The following GRIK1 variants were observed in gnomAD, a reference collection of about 807,000 sequenced individuals.
The protein encoded by GRIK1 is glutamate receptor ionotropic, kainate 1.
In GRIK1, 69 loss-of-function variants were observed where a neutral mutation model predicts 105.7. That is an observed-to-expected ratio of 0.65 (90% CI 0.54 to 0.80). The LOEUF is 0.80. Among genes scored for constraint, GRIK1 ranks in the 30% least tolerant of loss-of-function variants. The pLI, the probability that GRIK1 is intolerant of heterozygous loss-of-function variation, is 0.00. For missense variants in GRIK1, 1,109 were observed against 1,167.3 expected, an observed-to-expected ratio of 0.95 and a Z score of 0.73; for synonymous variants, 438 against 431.3, an observed-to-expected ratio of 1.02 and a Z score of -0.19.
chr21:29,656,972 TG>T lies in GRIK1; in HGVS notation c.727-2110del, dbSNP rs368026320. Among the ~76,000 whole-genome samples, 56 of 152,284 alleles carry T rather than the reference TG, an allele frequency of 3.7e-4. No homozygotes were observed. The East Asian group carries it at 7.9e-3, about 21-fold the overall frequency. ...CAACAAGACCAGGCACACTAAAGGATGTTTTTTTTCAAGGGTAGACTTGCTT... is the reference window on the plus strand; with the variant it reads ...CAACAAGACCAGGCACACTAAAGGATTTTTTTTTCAAGGGTAGACTTGCTT... On this transcript the variant is annotated intron_variant, in intron 4 of 17. Transcript: ENST00000327783.
chr21:29,709,884 A>T (rs2064004224), intron 1 of GRIK1, among the ~76,000 whole-genome samples: 1 of 151,706 alleles, frequency 6.6e-6, no homozygotes, highest in Non-Finnish European at 1.5e-5. Flanking sequence ...AATACTCTTC[A>T]AATATTCATT....
intron 6 of GRIK1, among the ~76,000 whole-genome samples, chr21:29,648,549 T>C (rs536149203): frequency 6.8e-6 from 1 of 148,008 alleles, no homozygotes; most frequent in African/African-American, 2.4e-5. Flanking sequence ...AATACATATT[T>C]ATTGACGGTG....
intron 1 of GRIK1, among the ~76,000 whole-genome samples, chr21:29,787,400 G>T (rs1041239446): frequency 8.5e-5 from 13 of 152,172 alleles, no homozygotes; most frequent in African/African-American, 3.1e-4. Context: ...ATTTTCAAAG[G>T]ATCCAGGCAC....
intron 1 of GRIK1, among the ~76,000 whole-genome samples, chr21:29,695,501 G>A (rs1444272453): frequency 6.6e-6 from 1 of 150,610 alleles, no homozygotes; most frequent in Non-Finnish European, 1.5e-5. Flanking sequence ...TTGAGATGGA[G>A]TCTTGCTCTG....
chr21:29,683,895 C>T (rs1474129735), intron 3 of GRIK1, among the ~76,000 whole-genome samples: 2 of 152,222 alleles, frequency 1.3e-5, no homozygotes. Flanking sequence ...AGGGCCTTTG[C>T]ACTGGCTGTT....
At chr21:29,768,309 T>A (rs2065726257) in intron 1 of GRIK1, among the ~76,000 whole-genome samples, 1 of 152,182 alleles carries the variant, frequency 6.6e-6, no homozygotes, top group Non-Finnish European at 1.5e-5. Context: ...CTGATGCCAA[T>A]GATCTTAGTC....
chr21:29,551,771 CT>C (rs546188690), intron 16 of GRIK1, among the ~76,000 whole-genome samples: 1 of 151,996 alleles, frequency 6.6e-6, no homozygotes, highest in Admixed American at 6.5e-5. Flanking sequence ...CACTTGAACT[CT>C]TTTGGTAGCA....
intron 7 of GRIK1, among the ~76,000 whole-genome samples, chr21:29,641,565 G>A (rs1383475162): frequency 6.6e-6 from 1 of 152,130 alleles, no homozygotes. Flanking sequence ...AGTGTTAGTG[G>A]AACTAAGATT....
intron 1 of GRIK1, among the ~76,000 whole-genome samples, chr21:29,920,841 A>T (rs2146324198): frequency 6.6e-6 from 1 of 152,220 alleles, no homozygotes; most frequent in Admixed American, 6.5e-5. Context: ...AAGTGTTATC[A>T]AAAGTGTTTT....
chr21:29,792,627 T>C (rs746775440), intron 1 of GRIK1, among the ~76,000 whole-genome samples: 5 of 152,240 alleles, frequency 3.3e-5, no homozygotes, highest in Non-Finnish European at 7.3e-5. Flanking sequence ...ACAACCAAAA[T>C]GTCCACTATG....
rs181214333 is a variant in GRIK1 at position 29,645,491 on chromosome 21, G to A, written c.955-2522C>T. 1.4e-4 allele frequency among the ~76,000 whole-genome samples: 21 copies of A among 152,204 alleles called. 1 individual carries two copies. Among genetic ancestry groups the A allele is most frequent in the Admixed American group, 1.0e-3 (16 of 15,292 alleles). On this transcript the variant is annotated intron_variant, in intron 6 of 17. Coordinates refer to ENST00000327783, the MANE Select transcript of GRIK1 (RefSeq NM_001330994.2). ...AAGGATGGGCATTCTTTCTCAAGGC[G>A]GGCTCCATATTGGGAAAGGCAATAA...
intron 1 of GRIK1, among the ~76,000 whole-genome samples, chr21:29,788,244 G>A (rs1021046951): frequency 6.6e-6 from 1 of 152,194 alleles, no homozygotes; most frequent in Non-Finnish European, 1.5e-5. Flanking sequence ...GAGCTTGGAA[G>A]GGCGAATTGT....
intron 1 of GRIK1, among the ~76,000 whole-genome samples, chr21:29,858,348 T>C (rs1475491907): frequency 6.6e-6 from 1 of 152,198 alleles, no homozygotes; most frequent in African/African-American, 2.4e-5. Flanking sequence ...CCAGTGCATG[T>C]TGTCCTTCTG....
intron 1 of GRIK1, among the ~76,000 whole-genome samples, chr21:29,838,527 G>T (rs186747906): frequency 1.3e-5 from 2 of 152,294 alleles, no homozygotes; most frequent in African/African-American, 2.4e-5. Context: ...TGCTCTCCGG[G>T]AGTTCTGGCT....
At chr21:29,550,197 A>T (rs1323648899) in intron 16 of GRIK1, among the ~76,000 whole-genome samples, 1 of 151,952 alleles carries the variant, frequency 6.6e-6, no homozygotes, top group Non-Finnish European at 1.5e-5. Flanking sequence ...AGAGCAATAA[A>T]CTGTCTACTT....
intron 4 of GRIK1, 81 bp downstream of exon 4, chr21:29,672,902 T>C: frequency 1.0e-6 from 1 of 961,536 alleles, no homozygotes; most frequent in Admixed American, 2.2e-5. Context: ...TATGCTGCAT[T>C]AAGTGAAAAC....
At chr21:29,800,342 C>T (rs577617737) in intron 1 of GRIK1, among the ~76,000 whole-genome samples, 1 of 152,304 alleles carries the variant, frequency 6.6e-6, no homozygotes, top group South Asian at 2.1e-4. Context: ...CAACTTTTCT[C>T]CACCATGTGT....
intron 1 of GRIK1, among the ~76,000 whole-genome samples, chr21:29,921,294 G>A (rs755978430): frequency 1.3e-5 from 2 of 152,166 alleles, no homozygotes; most frequent in Admixed American, 6.5e-5. Context: ...GTAATGGAAA[G>A]GGTGCTGTTG....
intron 1 of GRIK1, among the ~76,000 whole-genome samples, chr21:29,934,924 T>G (rs936591722): frequency 3.9e-5 from 6 of 152,202 alleles, no homozygotes; most frequent in Non-Finnish European, 5.9e-5. Flanking sequence ...TTAATATTAG[T>G]CAGGCACTCC....
Sources: allele counts gnomAD v4.1 joint callset (sites outside exome capture counted in the v4.1 genomes callset), GRCh38; gene constraint gnomAD v4.1.1; transcripts MANE v1.5; gene names NCBI Gene and HGNC (gene_info 2026-07-23, HGNC 2026-07-21).